MAN1A1: variants seen among roughly 807,000 people sequenced by gnomAD.
MAN1A1 encodes mannosyl-oligosaccharide 1,2-alpha-mannosidase IA.
Under a neutral mutation model 70.8 loss-of-function variants are expected in MAN1A1, and 29 were observed. The observed-to-expected ratio is 0.41, with a 90% confidence interval of 0.31 to 0.56. The LOEUF (loss-of-function observed/expected upper bound fraction) is 0.56. Among genes scored for constraint, MAN1A1 ranks in the 20% least tolerant of loss-of-function variants. MAN1A1 has a pLI of 0.29. For missense variants in MAN1A1, 747 were observed against 841.3 expected (o/e 0.89, Z 1.39); for synonymous variants, 349 against 330.1 (o/e 1.06, Z -0.62).
chr6:119,239,278 C>T (rs865910347), intron 6 of MAN1A1, among the ~76,000 whole-genome samples: 16 of 152,328 alleles, frequency 1.1e-4, no homozygotes, highest in African/African-American at 3.4e-4. Flanking sequence ...CACCAAATTG[C>T]ACTGCCTGTA....
intron 6 of MAN1A1, among the ~76,000 whole-genome samples, chr6:119,219,807 G>A (rs1247887152): frequency 6.6e-6 from 1 of 152,058 alleles, no homozygotes; most frequent in Admixed American, 6.6e-5. Context: ...TTTTAAGAAA[G>A]CTCTTACATG....
At chr6:119,272,861 A>C (rs1775962051) in intron 5 of MAN1A1, among the ~76,000 whole-genome samples, 1 of 152,162 alleles carries the variant, frequency 6.6e-6, no homozygotes, top group South Asian at 2.1e-4. Context: ...ATTTATGACC[A>C]ATCTTTATTT....
intron 2 of MAN1A1, among the ~76,000 whole-genome samples, chr6:119,329,779 C>G (rs1773258223): frequency 6.6e-6 from 1 of 152,180 alleles, no homozygotes; most frequent in African/African-American, 2.4e-5. Flanking sequence ...TTCACAGTTA[C>G]CTTCTTGAAA....
rs146571137 is a variant in MAN1A1, at chr6:119,314,929, G to A, written c.604-7937C>T. ...CAGACAAGATGGTGTTGTCCTATTC[G>A]ACCTGGCCTGTCACTAGATTTATGG... On this transcript the variant is annotated intron_variant, in intron 2 of 12. Transcript: ENST00000368468. Among the ~76,000 whole-genome samples the A allele has an allele frequency of 1.0e-3, 153 of 152,072 alleles. 1 individual carries two copies. Among genetic ancestry groups the A allele is most frequent in the African/African-American group, 3.5e-3 (147 of 41,444 alleles).
At chr6:119,247,698 T>C (rs1775204779) in intron 6 of MAN1A1, among the ~76,000 whole-genome samples, 2 of 152,204 alleles carry the variant, frequency 1.3e-5, no homozygotes, top group South Asian at 4.2e-4. Context: ...ATATCAGGGT[T>C]CTCCACCAAA....
At chr6:119,180,519 A>ATTTTTTT (rs68020138) in intron 11 of MAN1A1, 92 bp from the exon 12 acceptor site, 466 of 571,092 alleles carry the variant, frequency 8.2e-4, no homozygotes, top group Non-Finnish European at 9.9e-4. Flanking sequence ...CAGATAAAAC[A>ATTTTTTT]TTTTTTTTTT....
chr6:119,350,377 C>T (rs948343196), upstream of MAN1A1: 8 of 245,674 alleles, frequency 3.3e-5, no homozygotes, highest in Admixed American at 6.5e-5. Flanking sequence ...TTTGAGCTCT[C>T]TGGTATAACA....
Position 119,179,878 on chromosome 6 carries a change from C to T in MAN1A1, c.1903G>A (p.Ala635Thr). The change falls in exon 13 of 13, where the codon GCA becomes ACA. Residue 635 changes from alanine (A) to threonine (T), a missense_variant. By Grantham distance (58) the Ala-to-Thr change is moderately conservative. Transcript: ENST00000368468. ...PLEHWIFNSEAHLLPILPKDK... is the reference protein window; with the variant it reads ...PLEHWIFNSETHLLPILPKDK... ...TTAGGGAGGATAGGGAGAAGATGTG[C>T]CTCGCTATTGAAGATCCAATGCTCC... 1 of 1,612,334 alleles carries T rather than the reference C, an allele frequency of 6.2e-7. No homozygotes were observed. The highest frequency in any genetic ancestry group is 2.2e-5 in the East Asian group (1 of 44,858).
intron 2 of MAN1A1, among the ~76,000 whole-genome samples, chr6:119,328,347 C>A (rs1250905148): frequency 6.6e-6 from 1 of 152,208 alleles, no homozygotes; most frequent in East Asian, 1.9e-4. Context: ...CACTTGCTGG[C>A]TCCTCACATC....
intron 5 of MAN1A1, among the ~76,000 whole-genome samples, chr6:119,262,112 A>G (rs150499388): frequency 6.6e-6 from 1 of 152,168 alleles, no homozygotes; most frequent in Non-Finnish European, 1.5e-5. Flanking sequence ...GCTGTCTATA[A>G]AACCCACAGA....
intron 5 of MAN1A1, among the ~76,000 whole-genome samples, chr6:119,259,885 T>C (rs950374531): frequency 6.6e-5 from 10 of 152,178 alleles, no homozygotes; most frequent in African/African-American, 2.4e-4. Flanking sequence ...TTCTCATTAT[T>C]GAAAAATCAC....
chr6:119,247,405 G>A (rs1184695689), intron 6 of MAN1A1, among the ~76,000 whole-genome samples: 2 of 152,104 alleles, frequency 1.3e-5, no homozygotes, highest in Non-Finnish European at 2.9e-5. Flanking sequence ...TTGTTGTGAG[G>A]ATAATATGTG....
chr6:119,314,021 T>C (rs530779637), intron 2 of MAN1A1, among the ~76,000 whole-genome samples: 27 of 152,142 alleles, frequency 1.8e-4, no homozygotes, highest in African/African-American at 6.0e-4. Flanking sequence ...GCCCAGCAGT[T>C]TGCACTGCAA....
At chr6:119,316,142 G>T (rs1772845676) in intron 2 of MAN1A1, among the ~76,000 whole-genome samples, 2 of 149,232 alleles carry the variant, frequency 1.3e-5, no homozygotes, top group Non-Finnish European at 3.0e-5. Context: ...CAGATCTTTA[G>T]TGATCAAGAG....
At chr6:119,317,873 T>G (rs1230179758) in intron 2 of MAN1A1, among the ~76,000 whole-genome samples, 1 of 151,962 alleles carries the variant, frequency 6.6e-6, no homozygotes, top group Non-Finnish European at 1.5e-5. Flanking sequence ...ATAGGAAAAT[T>G]TGTTTTTCCT....
intron 5 of MAN1A1, among the ~76,000 whole-genome samples, chr6:119,282,637 CTT>C (rs1267869419): frequency 4.0e-5 from 6 of 151,772 alleles, no homozygotes; most frequent in Non-Finnish European, 8.8e-5. Context: ...TTTTACATTC[CTT>C]TCTTATAAAA....
chr6:119,236,571 G>A (rs747695455), intron 6 of MAN1A1, among the ~76,000 whole-genome samples: 1 of 152,060 alleles, frequency 6.6e-6, no homozygotes, highest in Non-Finnish European at 1.5e-5. Context: ...AGCTAGGCGG[G>A]GTGGTGGGTG....
intron 4 of MAN1A1, among the ~76,000 whole-genome samples, chr6:119,298,863 T>G (rs992971740): frequency 7.2e-5 from 11 of 152,120 alleles, no homozygotes. Context: ...CCCAAAATGC[T>G]GGGATTACAG....
chr6:119,236,827 T>C (rs1470785892), intron 6 of MAN1A1, among the ~76,000 whole-genome samples: 4 of 152,070 alleles, frequency 2.6e-5, no homozygotes, highest in Admixed American at 6.5e-5. Context: ...GCAAAGCAAA[T>C]TGAAAGCCTT....
Sources: gnomAD v4.1 joint callset for allele counts (sites outside exome capture counted in the v4.1 genomes callset) on GRCh38, gnomAD v4.1.1 for gene constraint, MANE v1.5 for transcripts, NCBI Gene and HGNC (gene_info 2026-07-23, HGNC 2026-07-21) for gene names.